Variants in ANPEP observed in about 807,000 individuals in gnomAD.
ANPEP encodes alanyl aminopeptidase, membrane.
ANPEP carries 70 observed loss-of-function variants against 114.6 expected under a neutral mutation model. That is an observed-to-expected ratio of 0.61 (90% CI 0.50 to 0.75). The LOEUF (loss-of-function observed/expected upper bound fraction) is 0.75. ANPEP is among the 30% of genes least tolerant of loss of function. The probability of loss-of-function intolerance (pLI) is 0.00; values close to 1 mark genes in which losing one functional copy is unlikely to be tolerated. For synonymous variants in ANPEP, 548 were observed against 522.3 expected, an observed-to-expected ratio of 1.05 and a Z score of -0.67; for missense variants, 1,184 against 1,259.5, an observed-to-expected ratio of 0.94 and a Z score of 0.91.
intron 18 of ANPEP, among the ~76,000 whole-genome samples, chr15:89,791,416 C>CTTCTT (rs59240593): frequency 2.3e-4 from 34 of 150,782 alleles, no homozygotes; most frequent in East Asian, 1.2e-3. Flanking sequence ...GAGGGTGGCC[C>CTTCTT]TTCTTTTCTT....
intron 19 of ANPEP, 43 bp downstream of exon 19, chr15:89,790,910 G>T: frequency 6.2e-7 from 1 of 1,603,538 alleles, no homozygotes; most frequent in Non-Finnish European, 8.5e-7. Context: ...CGGGGCCCCA[G>T]CCTCGGCGCT....
chr15:89,805,965 C>T lies in ANPEP; in HGVS notation c.614+5G>A. ...ACCCCACCGGGCAGCCCAGCCGGAACTCACTTTCTGACATTGCCCTCCATG... is the reference window on the plus strand; with the variant it reads ...ACCCCACCGGGCAGCCCAGCCGGAATTCACTTTCTGACATTGCCCTCCATG... On this transcript the variant is annotated splice_donor_5th_base_variant and intron_variant, in intron 2 of 20. Coordinates refer to ENST00000300060, the MANE Select transcript of ANPEP (RefSeq NM_001150.3). 1 of 1,579,310 alleles carries T rather than the reference C, an allele frequency of 6.3e-7. No homozygotes were observed. The highest frequency in any genetic ancestry group is 8.6e-7 in the Non-Finnish European group (1 of 1,158,096).
At position 89,805,347 on chromosome 15, in the gene ANPEP, G is replaced by T. The variant is rs1260900034; in HGVS notation, c.731C>A (p.Thr244Lys). The change falls in exon 3 of 21, where the codon ACA becomes AAA. Residue 244 changes from threonine to lysine, a missense_variant. Transcript: ENST00000300060. Reference sequence around the variant, plus strand: ...TTTGGGAAGCATGTTGGACAGGGCTGTCAGGTCCTTGGGGTGGATAAGCGT... The same window carrying T: ...TTTGGGAAGCATGTTGGACAGGGCTTTCAGGTCCTTGGGGTGGATAAGCGT... ...NITLIHPKDL[T>K]ALSNMLPKGP... 1 of 1,614,136 alleles carries T rather than the reference G, an allele frequency of 6.2e-7. No individual in the cohort carries two copies. Among genetic ancestry groups the T allele is most frequent in the Non-Finnish European group, 8.5e-7 (1 of 1,179,994 alleles).
chr15:89,788,901 T>G (rs1320021563), intron 20 of ANPEP, among the ~76,000 whole-genome samples: 1 of 152,084 alleles, frequency 6.6e-6, no homozygotes, highest in South Asian at 2.1e-4. Flanking sequence ...ATTACAGGCA[T>G]GAAGCACCCC....
Position 89,797,741 on chromosome 15 carries a change from G to T in ANPEP, c.2010-19C>A. The T allele has an allele frequency of 1.9e-6, 3 of 1,613,466 alleles. No homozygotes were observed. The highest frequency in any genetic ancestry group is 2.5e-6 in the Non-Finnish European group (3 of 1,179,806). The stretch of plus-strand genomic sequence containing the variant: ...ATGGGCACTGGGAATAAACAGAGGG[G>T]CCCAAGTAAAGCACCTCCACCCAGC... On this transcript the variant is annotated intron_variant, in intron 14 of 20. Transcript: ENST00000300060.
At position 89,785,462 on chromosome 15, in the gene ANPEP, CG is replaced by C; in HGVS notation, c.2790del (p.Phe930LeufsTer22). ...QFKKDNEETG[F>X]GSGTRALEQA... The stretch of plus-strand genomic sequence containing the variant: ...TGCTCCAGGGCCCGGGTGCCTGAGC[CG>C]AAGCCTGTTTCCTCGTTGTCCTTCT... On this transcript the variant is annotated frameshift_variant, in exon 21 of 21. Transcript: ENST00000300060. LOFTEE classifies it high-confidence loss of function. 6.2e-7 allele frequency: 1 copy of C among 1,614,074 alleles called. No individual in the cohort carries two copies. Among genetic ancestry groups the C allele is most frequent in the Non-Finnish European group, 8.5e-7 (1 of 1,179,934 alleles).
At chr15:89,805,880 C>G (rs1341130919) in intron 2 of ANPEP, 90 bp downstream of exon 2, 1 of 1,505,878 alleles carries the variant, frequency 6.6e-7, no homozygotes, top group East Asian at 2.3e-5. Context: ...GTTCAAAGGC[C>G]TGCAAGCTAA....
rs1166529334 is a variant in ANPEP, at chr15:89,792,308, A to G, written c.2380T>C (p.Ser794Pro). The G allele has an allele frequency of 6.2e-7, 1 of 1,614,166 alleles. No individual in the cohort carries two copies. The highest frequency in any genetic ancestry group is 1.1e-5 in the South Asian group (1 of 91,084). ...NNNPIHPNLR[S>P]TVYCNAIAQG... is the part of the protein sequence containing the mutation. Reference sequence around the variant, plus strand: ...GCGATAGCGTTGCAGTAGACGGTGGACCGCAGGTTGGGGTGGATCCTGGTG... The same window carrying G: ...GCGATAGCGTTGCAGTAGACGGTGGGCCGCAGGTTGGGGTGGATCCTGGTG... Residue 794 changes from serine to proline, a missense_variant, in exon 18 of 21, where the codon TCC becomes CCC. Ser to Pro is a moderately conservative substitution (Grantham distance 74, BLOSUM62 -1). Transcript: ENST00000300060.
At chr15:89,796,484 CT>C (rs35626130) in intron 15 of ANPEP, among the ~76,000 whole-genome samples, 50,165 of 148,822 alleles carry the variant, frequency 0.34, 9,150 homozygotes, top group African/African-American at 0.5. Context: ...GATAATTGAA[CT>C]TTTTTTTTTT....
At chr15:89,785,611 G>T (rs1968494345) in intron 20 of ANPEP, 110 bp from the exon 21 acceptor site, 9 of 1,463,630 alleles carry the variant, frequency 6.1e-6, no homozygotes, top group Non-Finnish European at 6.5e-6. Context: ...CCCATGGATG[G>T]GACCACACCC....
intron 2 of ANPEP, 99 bp from the exon 3 acceptor site, chr15:89,805,562 G>C: frequency 2.7e-6 from 4 of 1,488,478 alleles, no homozygotes; most frequent in Admixed American, 2.2e-5. Flanking sequence ...TACATGGAAG[G>C]CTGCCCCAGC....
rs1596170800 is a variant in ANPEP at position 89,806,898 on chromosome 15, G to C, written c.-223-92C>G. The C allele has an allele frequency of 3.0e-6, 1 of 335,324 alleles. No homozygotes were observed. Among genetic ancestry groups the C allele is most frequent in the Admixed American group, 4.4e-5 (1 of 22,894 alleles). The allele number at this position is 335,324 out of a possible 1,614,324, so 20.8% of individuals were successfully genotyped here. On this transcript the variant is annotated intron_variant, in intron 1 of 20. Coordinates refer to ENST00000300060, the MANE Select transcript of ANPEP (RefSeq NM_001150.3). The surrounding 1 kb of genome is among the most constrained non-coding windows in gnomAD (Gnocchi z 5.7). ...GGGCAGGCTTCCGGCTGTAGGCCCA[G>C]TGGGCAAAGCAAGCGGCCAGGTGGC...
At position 89,785,129 on chromosome 15, in the gene ANPEP, G is replaced by A. The variant is rs959617817; in HGVS notation, c.*220C>T. 3 of 561,028 alleles carry A rather than the reference G, an allele frequency of 5.3e-6. No homozygotes were observed. Among genetic ancestry groups the A allele is most frequent in the African/African-American group, 3.8e-5 (2 of 52,708 alleles). The allele number at this position is 561,028 out of a possible 1,614,324, so 34.8% of individuals were successfully genotyped here. On this transcript the variant is annotated 3_prime_UTR_variant, in exon 21 of 21. Coordinates refer to ENST00000300060, the MANE Select transcript of ANPEP (RefSeq NM_001150.3). ...ACAGGTGCCATGCCAGGCCTAGGGCGGGGTTGGCATGAGGGGCAGGGGCTG... is the reference window on the plus strand; with the variant it reads ...ACAGGTGCCATGCCAGGCCTAGGGCAGGGTTGGCATGAGGGGCAGGGGCTG...
chr15:89,792,201 C>CCGCT lies in ANPEP; in HGVS notation c.2486_2487insAGCG (p.Ala831GlyfsTer60). On this transcript the variant is annotated frameshift_variant, in exon 18 of 21. Coordinates refer to ENST00000300060, the MANE Select transcript of ANPEP (RefSeq NM_001150.3). LOFTEE classifies it high-confidence loss of function. ...ACTCTTTGCTGCAGGCCAGGGCTGC[C>CCGCT]CGGAGCTTGTCAGCCTCATTGACCA... The CCGCT allele has an allele frequency of 6.2e-7, 1 of 1,614,168 alleles. No individual in the cohort carries two copies. The highest frequency in any genetic ancestry group is 8.5e-7 in the Non-Finnish European group (1 of 1,180,034).
chr15:89,799,431 G>T lies in ANPEP; in HGVS notation c.1948C>A (p.His650Asn). Residue 650 changes from histidine (H) to asparagine (N), a missense_variant, in exon 13 of 21, where the codon CAC (histidine) becomes AAC (asparagine). Physicochemically the swap from His to Asn is moderately conservative, Grantham distance 68. Transcript: ENST00000300060. The surrounding 1 kb of genome is among the most constrained non-coding windows in gnomAD (Gnocchi z 4.2). ...GAGGGGTGGCAGACACTCACCGAGT[G>T]GTCTCTCTGCAGCTGAGTCTGAATC... ...RKIQTQLQRD[H>N]SAIPVINRAQ... The T allele has an allele frequency of 6.2e-7, 1 of 1,614,180 alleles. No homozygotes were observed. The highest frequency in any genetic ancestry group is 1.1e-5 in the South Asian group (1 of 91,078).
chr15:89,791,533 G>A (rs2141790718), intron 18 of ANPEP, among the ~76,000 whole-genome samples: 1 of 151,968 alleles, frequency 6.6e-6, no homozygotes, highest in African/African-American at 2.4e-5. Context: ...CGCCTGCCAG[G>A]TTCAAGTGAT....
intron 20 of ANPEP, among the ~76,000 whole-genome samples, chr15:89,786,741 C>A (rs1968514333): frequency 6.7e-6 from 1 of 149,060 alleles, no homozygotes; most frequent in Admixed American, 6.7e-5. Context: ...AATTTTAAAA[C>A]TCACTACAAA....
Position 89,805,107 on chromosome 15 carries a change from C to T in ANPEP, c.868G>A (p.Val290Met), listed in dbSNP as rs774575427. Residue 290 changes from valine (V) to methionine (M), a missense_variant, in exon 4 of 21, where the codon GTG becomes ATG. Coordinates refer to ENST00000300060, the MANE Select transcript of ANPEP (RefSeq NM_001150.3). Reference protein sequence around the residue: ...LAFIVSEFDYVEKQASNGVLI... With the variant: ...LAFIVSEFDYMEKQASNGVLI... Reference sequence around the variant, plus strand: ...ACACCATTGGATGCCTGCTTCTCCACGTAGTCGAACTCACTGACAATGAAG... The same window carrying T: ...ACACCATTGGATGCCTGCTTCTCCATGTAGTCGAACTCACTGACAATGAAG... 98 of 1,614,242 alleles carry T rather than the reference C, an allele frequency of 6.1e-5. No individual in the cohort carries two copies. In the East Asian group the frequency reaches 1.2e-3, roughly 19 times the overall value.
At chr15:89,791,174 C>T in intron 18 of ANPEP, 81 bp from the exon 19 acceptor site, 1 of 1,501,440 alleles carries the variant, frequency 6.7e-7, no homozygotes, top group East Asian at 2.3e-5. Context: ...CGCACATCAC[C>T]TATGCCTGCA....
Sources: gnomAD v4.1 joint callset for allele counts (sites outside exome capture counted in the v4.1 genomes callset) on GRCh38, gnomAD v4.1.1 for gene constraint, Gnocchi (gnomAD v3.1) non-coding constraint, MANE v1.5 for transcripts, NCBI Gene and HGNC (gene_info 2026-07-23, HGNC 2026-07-21) for gene names.